FBLN5: variants seen among roughly 807,000 people sequenced by gnomAD.
FBLN5 encodes fibulin-5.
Under a neutral mutation model 61.6 loss-of-function variants are expected in FBLN5, and 24 were observed. The ratio of observed to expected loss-of-function variants is 0.39; its 90% confidence interval spans 0.28 to 0.55. The LOEUF (loss-of-function observed/expected upper bound fraction) is 0.55, where lower values mean the gene tolerates loss of function less well. Ranked by LOEUF, FBLN5 falls within the 20% of genes least tolerant of loss-of-function variation. The probability of loss-of-function intolerance (pLI) is 0.65; values close to 1 mark genes in which losing one functional copy is unlikely to be tolerated. For missense variants in FBLN5, 470 were observed against 594.1 expected, an observed-to-expected ratio of 0.79 and a Z score of 2.17; for synonymous variants, 213 against 219.8, an observed-to-expected ratio of 0.97 and a Z score of 0.27.
At chr14:91,913,892 A>C (rs1214105319) in intron 4 of FBLN5, among the ~76,000 whole-genome samples, 1 of 152,254 alleles carries the variant, frequency 6.6e-6, no homozygotes, top group Non-Finnish European at 1.5e-5. Flanking sequence ...GATAACAAGA[A>C]GTGATTACAG....
rs767239307 is a variant in FBLN5, at chr14:91,947,515, A to T, written c.-286T>A. On this transcript the variant is annotated 5_prime_UTR_variant, in exon 1 of 11. Transcript: ENST00000342058. The surrounding 1 kb of genome is among the most constrained non-coding windows in gnomAD (Gnocchi z 4.3). ...TTAAAAATGAACACTTCATTTTCTA[A>T]GTATGTTAAACAATGCAAATGGGGC... 9.9e-5 allele frequency: 57 copies of T among 573,462 alleles called. No individual in the cohort carries two copies. Among genetic ancestry groups the T allele is most frequent in the Admixed American group, 2.4e-4 (8 of 32,996 alleles). The allele number at this position is 573,462 out of a possible 1,614,324, so 35.5% of individuals were successfully genotyped here.
chr14:91,913,374 T>C (rs894739568), intron 4 of FBLN5, among the ~76,000 whole-genome samples: 2 of 152,160 alleles, frequency 1.3e-5, no homozygotes, highest in African/African-American at 2.4e-5. Context: ...AAAGAAGAAA[T>C]GCATTTCTCT....
chr14:91,933,590 T>A (rs577630580), intron 4 of FBLN5, among the ~76,000 whole-genome samples: 7 of 152,254 alleles, frequency 4.6e-5, no homozygotes, highest in African/African-American at 1.7e-4. Flanking sequence ...TTGTAAAGAA[T>A]TTCTTTATCT....
intron 4 of FBLN5, among the ~76,000 whole-genome samples, chr14:91,929,871 C>T (rs1173866566): frequency 3.3e-5 from 5 of 152,222 alleles, no homozygotes; most frequent in Admixed American, 3.3e-4. Context: ...TGAGTCAGAA[C>T]TGCATTTTCC....
chr14:91,876,198 C>T (rs952643246), intron 10 of FBLN5, among the ~76,000 whole-genome samples: 6 of 152,188 alleles, frequency 3.9e-5, no homozygotes, highest in African/African-American at 1.4e-4. Flanking sequence ...GGGAGGGTCC[C>T]GCAGCTTCAG....
rs1440890153 is a variant in FBLN5 at position 91,869,973 on chromosome 14, A to G, written c.*251T>C. 2 of 511,730 alleles carry G rather than the reference A, an allele frequency of 3.9e-6. No individual in the cohort carries two copies. Among genetic ancestry groups the G allele is most frequent in the Non-Finnish European group, 7.1e-6 (2 of 280,902 alleles). 31.7% of individuals were successfully genotyped at this position (511,730 alleles called of 1,614,324 possible). A position where few individuals can be genotyped will look rare whatever the true frequency, so the allele number is the denominator to read the frequency against. On this transcript the variant is annotated 3_prime_UTR_variant, in exon 11 of 11. Coordinates refer to ENST00000342058, the MANE Select transcript of FBLN5 (RefSeq NM_006329.4). ...TGAAGGCCTTGAAAATTCACCAACAATCTTCTATCAGGGGAGCAATGATAA... is the reference window on the plus strand; with the variant it reads ...TGAAGGCCTTGAAAATTCACCAACAGTCTTCTATCAGGGGAGCAATGATAA...
intron 4 of FBLN5, among the ~76,000 whole-genome samples, chr14:91,896,559 G>A (rs1890235227): frequency 6.6e-6 from 1 of 152,186 alleles, no homozygotes; most frequent in African/African-American, 2.4e-5. Flanking sequence ...CACCCTGTGA[G>A]GTGGGCTCAC....
At chr14:91,926,878 C>T (rs981521243) in intron 4 of FBLN5, among the ~76,000 whole-genome samples, 7 of 152,144 alleles carry the variant, frequency 4.6e-5, no homozygotes, top group Non-Finnish European at 8.8e-5. Flanking sequence ...AGCCTCAAAA[C>T]ATTCCCGGAA....
chr14:91,888,472 G>A (rs1351030751), intron 6 of FBLN5, among the ~76,000 whole-genome samples: 1 of 151,496 alleles, frequency 6.6e-6, no homozygotes, highest in Non-Finnish European at 1.5e-5. Context: ...AGCCAGGCAT[G>A]GTAACAGGTG....
chr14:91,909,958 T>C (rs1595323884), intron 4 of FBLN5, among the ~76,000 whole-genome samples: 1 of 152,350 alleles, frequency 6.6e-6, no homozygotes, highest in African/African-American at 2.4e-5. Context: ...TATGGAAAAC[T>C]GTATGGTGGT....
intron 4 of FBLN5, among the ~76,000 whole-genome samples, chr14:91,910,676 C>T (rs1890881485): frequency 6.6e-6 from 1 of 152,172 alleles, no homozygotes; most frequent in Non-Finnish European, 1.5e-5. Flanking sequence ...CCATCCTGTG[C>T]TCCTGAGAAA....
Position 91,943,108 on chromosome 14 carries a change from C to T in FBLN5, c.18-147G>A. On this transcript the variant is annotated intron_variant, in intron 1 of 10. Transcript: ENST00000342058. This position sits in a 1 kb window ranked among gnomAD's most constrained non-coding sequence, Gnocchi z 4.0. ...GTGCTCCAGGGAGGTCATGGTGGTTCCAGACACCGCGACCACCCAAGCAGA... is the reference window on the plus strand; with the variant it reads ...GTGCTCCAGGGAGGTCATGGTGGTTTCAGACACCGCGACCACCCAAGCAGA... 1 of 690,848 alleles carries T rather than the reference C, an allele frequency of 1.4e-6. No individual in the cohort carries two copies. The highest frequency in any genetic ancestry group is 2.7e-6 in the Non-Finnish European group (1 of 373,376). 42.8% of individuals were successfully genotyped at this position (690,848 alleles called of 1,614,324 possible).
chr14:91,924,983 T>C (rs1387982156), intron 4 of FBLN5, among the ~76,000 whole-genome samples: 3 of 152,120 alleles, frequency 2.0e-5, no homozygotes, highest in Non-Finnish European at 2.9e-5. Flanking sequence ...TTTCATATAA[T>C]CTCCCTCAAA....
At position 91,947,466 on chromosome 14, in the gene FBLN5, A is replaced by G; in HGVS notation, c.-237T>C. Reference sequence around the variant, plus strand: ...GCTTAGCCCTCTTCAGTAATTCAGCATTAAACCAATTGGAGGAGGAATGTT... The same window carrying G: ...GCTTAGCCCTCTTCAGTAATTCAGCGTTAAACCAATTGGAGGAGGAATGTT... On this transcript the variant is annotated 5_prime_UTR_variant, in exon 1 of 11. An upstream start codon of the reference 5' UTR is lost. Transcript: ENST00000342058. This position sits in a 1 kb window ranked among gnomAD's most constrained non-coding sequence, Gnocchi z 4.3. 1 of 613,064 alleles carries G rather than the reference A, an allele frequency of 1.6e-6. No homozygotes were observed. The highest frequency in any genetic ancestry group is 1.9e-5 in the South Asian group (1 of 51,312). 38.0% of individuals were successfully genotyped at this position (613,064 alleles called of 1,614,324 possible). A position where few individuals can be genotyped will look rare whatever the true frequency, so the allele number is the denominator to read the frequency against.
rs557148586 is a variant in FBLN5, at chr14:91,902,337, A to G, written c.380-7265T>C. Reference sequence around the variant, plus strand: ...AGGCTTTGGCCATTATCATGAATGTAAAGCAAACAGACGTGGAGTTCAAAC... The same window carrying G: ...AGGCTTTGGCCATTATCATGAATGTGAAGCAAACAGACGTGGAGTTCAAAC... On this transcript the variant is annotated intron_variant, in intron 4 of 10. Transcript: ENST00000342058. Among the ~76,000 whole-genome samples the G allele has an allele frequency of 3.4e-5, 5 of 148,514 alleles. No individual in the cohort carries two copies. In the South Asian group the frequency reaches 8.4e-4, roughly 25 times the overall value.
chr14:91,876,098 G>A (rs12101282), intron 10 of FBLN5, among the ~76,000 whole-genome samples: 8,488 of 152,264 alleles, frequency 0.056, 819 homozygotes, highest in African/African-American at 0.19. Context: ...AGGTCCAGAG[G>A]TGTTAGGTCA....
At chr14:91,899,402 G>A (rs1485248381) in intron 4 of FBLN5, among the ~76,000 whole-genome samples, 1 of 152,216 alleles carries the variant, frequency 6.6e-6, no homozygotes, top group Non-Finnish European at 1.5e-5. Flanking sequence ...CCTGGCAACT[G>A]GAGGAAAGCG....
chr14:91,906,292 A>T (rs905927108), intron 4 of FBLN5, among the ~76,000 whole-genome samples: 1 of 152,142 alleles, frequency 6.6e-6, no homozygotes, highest in African/African-American at 2.4e-5. Context: ...CATCTCTAGG[A>T]GACGACCCCA....
intron 4 of FBLN5, among the ~76,000 whole-genome samples, chr14:91,935,244 G>T (rs111893360): frequency 0.015 from 2,357 of 152,356 alleles, 54 homozygotes; most frequent in African/African-American, 0.048. Context: ...AGGGCACTGG[G>T]ACCCTGGAAA....
Sources: gnomAD v4.1 joint callset for allele counts (sites outside exome capture counted in the v4.1 genomes callset) on GRCh38, gnomAD v4.1.1 for gene constraint, Gnocchi (gnomAD v3.1) non-coding constraint, MANE v1.5 for transcripts, NCBI Gene and HGNC (gene_info 2026-07-23, HGNC 2026-07-21) for gene names.